Variants in AFG2A observed in about 807,000 individuals in gnomAD.
The protein encoded by AFG2A is AAA ATPase AFG2A.
At chr4:122,984,592 A>G in the AFG2A span, among the ~76,000 whole-genome samples, 1 of 152,168 alleles carries the variant, frequency 6.6e-6, no homozygotes, top group African/African-American at 2.4e-5. Flanking sequence ...TGGGTTTGTC[A>G]TAGATGGCTT....
At chr4:122,960,758 T>C in the AFG2A span, among the ~76,000 whole-genome samples, 1 of 152,204 alleles carries the variant, frequency 6.6e-6, no homozygotes, top group African/African-American at 2.4e-5. Flanking sequence ...TTATCTCTTG[T>C]CCAGTGTTCT....
At chr4:122,994,368 T>TTTTA in the AFG2A span, among the ~76,000 whole-genome samples, 1 of 152,160 alleles carries the variant, frequency 6.6e-6, no homozygotes, top group African/African-American at 2.4e-5. Flanking sequence ...AAAATAGTGC[T>TTTTA]TTTAATATTT....
the AFG2A span, among the ~76,000 whole-genome samples, chr4:123,150,076 C>T: frequency 6.6e-6 from 1 of 152,210 alleles, no homozygotes; most frequent in East Asian, 1.9e-4. Context: ...GCTCAACACC[C>T]CTTTATGCTA....
At chr4:122,996,603 A>AGATAGATAGATT in the AFG2A span, among the ~76,000 whole-genome samples, 1 of 151,870 alleles carries the variant, frequency 6.6e-6, no homozygotes, top group South Asian at 2.1e-4. Context: ...ATAGATAGAT[A>AGATAGATAGATT]GATAGATAGA....
the AFG2A span, among the ~76,000 whole-genome samples, chr4:123,075,772 A>T: frequency 4.6e-5 from 7 of 151,590 alleles, no homozygotes; most frequent in Non-Finnish European, 8.8e-5. Flanking sequence ...AGCCGGACCA[A>T]CATGGAGAAA....
chr4:122,989,981 T>C, the AFG2A span, among the ~76,000 whole-genome samples: 1 of 152,176 alleles, frequency 6.6e-6, no homozygotes. Flanking sequence ...CTCAGTCACC[T>C]GAATAGCTAG....
the AFG2A span, among the ~76,000 whole-genome samples, chr4:123,146,589 T>C: frequency 6.6e-6 from 1 of 152,126 alleles, no homozygotes; most frequent in African/African-American, 2.4e-5. Flanking sequence ...CTCTGTTTAA[T>C]AATAGACATC....
the AFG2A span, chr4:123,315,104 T>C: frequency 6.6e-6 from 1 of 151,828 alleles, no homozygotes; most frequent in African/African-American, 2.4e-5. Context: ...TAATAAATCA[T>C]ATGAAGCATT....
chr4:123,238,632 G>A, the AFG2A span, among the ~76,000 whole-genome samples: 1 of 152,210 alleles, frequency 6.6e-6, no homozygotes, highest in African/African-American at 2.4e-5. Flanking sequence ...AAAAGGAATA[G>A]CATCAACATC....
the AFG2A span, among the ~76,000 whole-genome samples, chr4:123,028,808 T>C: frequency 6.6e-6 from 1 of 152,214 alleles, no homozygotes; most frequent in Non-Finnish European, 1.5e-5. Context: ...GTACACTAAA[T>C]TCTTTAAAAA....
chr4:123,314,716 C>T, the AFG2A span: 1 of 151,106 alleles, frequency 6.6e-6, no homozygotes, highest in Non-Finnish European at 1.5e-5. Context: ...CCACTCTAAG[C>T]CTAGATCAGT....
chr4:122,941,956 A>C, the AFG2A span, among the ~76,000 whole-genome samples: 1 of 151,728 alleles, frequency 6.6e-6, no homozygotes, highest in Non-Finnish European at 1.5e-5. Flanking sequence ...CATATATTGA[A>C]CCAGCCTTGC....
At chr4:123,298,395 T>C in the AFG2A span, among the ~76,000 whole-genome samples, 4 of 152,188 alleles carry the variant, frequency 2.6e-5, no homozygotes, top group Non-Finnish European at 5.9e-5. Flanking sequence ...TTCCAGCTGG[T>C]CCGCTGAGGC....
the AFG2A span, among the ~76,000 whole-genome samples, chr4:123,089,365 G>T: frequency 6.6e-6 from 1 of 151,996 alleles, no homozygotes. Context: ...TCTACTTTAC[G>T]TCCTCTTCCA....
At chr4:123,040,477 T>C in the AFG2A span, among the ~76,000 whole-genome samples, 1 of 152,234 alleles carries the variant, frequency 6.6e-6, no homozygotes, top group South Asian at 2.1e-4. Context: ...ACAAAGACTT[T>C]ATGTGGCATA....
the AFG2A span, among the ~76,000 whole-genome samples, chr4:123,130,576 TTACTGTA>T: frequency 3.9e-4 from 60 of 152,234 alleles, no homozygotes; most frequent in Non-Finnish European, 2.8e-4. Context: ...TTCGTCTGTG[TTACTGTA>T]TCAGTAGTTT....
At chr4:123,183,134 C>T in the AFG2A span, among the ~76,000 whole-genome samples, 1 of 152,116 alleles carries the variant, frequency 6.6e-6, no homozygotes, top group African/African-American at 2.4e-5. Flanking sequence ...GAGAACCAGT[C>T]AGTACCATGG....
chr4:122,996,952 G>A, the AFG2A span, among the ~76,000 whole-genome samples: 1 of 152,042 alleles, frequency 6.6e-6, no homozygotes, highest in Non-Finnish European at 1.5e-5. Flanking sequence ...AATTTTGTCT[G>A]GACTCTTAGC....
At chr4:122,985,822 TC>T in the AFG2A span, among the ~76,000 whole-genome samples, 2 of 151,578 alleles carry the variant, frequency 1.3e-5, no homozygotes, top group South Asian at 4.2e-4. Context: ...GGTTTGGGGT[TC>T]GGTTTGTTCT....
Sources: gnomAD v4.1 joint callset for allele counts (sites outside exome capture counted in the v4.1 genomes callset) on GRCh38, gnomAD v4.1.1 for gene constraint, MANE v1.5 for transcripts, NCBI Gene and HGNC (gene_info 2026-07-23, HGNC 2026-07-21) for gene names.